CLASP2: variants seen among roughly 807,000 people sequenced by gnomAD.
CLASP2 encodes the protein CLIP-associating protein 2.
A neutral mutation model predicts 194.4 loss-of-function variants in CLASP2; 47 were observed. That is an observed-to-expected ratio of 0.24 (90% CI 0.19 to 0.31). The LOEUF (loss-of-function observed/expected upper bound fraction) is 0.31. CLASP2 is among the 10% of genes least tolerant of loss of function. The probability of loss-of-function intolerance (pLI) is 1.00; values close to 1 mark genes in which losing one functional copy is unlikely to be tolerated. For missense variants in CLASP2, 1,445 were observed against 1,823.6 expected (o/e 0.79, Z 3.78); for synonymous variants, 619 against 633.5 (o/e 0.98, Z 0.34).
At chr3:33,561,024 T>C in intron 27 of CLASP2, 53 bp from the exon 28 acceptor site, 5 of 1,483,830 alleles carry the variant, frequency 3.4e-6, no homozygotes, top group Non-Finnish European at 4.6e-6. Context: ...AATATTGACC[T>C]CTATGTTCAA....
chr3:33,516,917 G>T, intron 35 of CLASP2, 64 bp downstream of exon 35: 1 of 1,367,270 alleles, frequency 7.3e-7, no homozygotes, highest in Non-Finnish European at 1.0e-6. Flanking sequence ...TGTAGCATTA[G>T]ATTAACAGGC....
chr3:33,667,400 C>T (rs1431745470), intron 6 of CLASP2, among the ~76,000 whole-genome samples: 2 of 48,072 alleles, frequency 4.2e-5, no homozygotes, highest in East Asian at 1.3e-3. Flanking sequence ...CAGAGTGAGA[C>T]TATCTCAAAA....
At chr3:33,577,563 A>G (rs1462267176) in intron 23 of CLASP2, among the ~76,000 whole-genome samples, 1 of 152,220 alleles carries the variant, frequency 6.6e-6, no homozygotes, top group East Asian at 1.9e-4. Context: ...AGTGTAAAAA[A>G]AAAACCACTA....
intron 1 of CLASP2, 76 bp downstream of exon 1, chr3:33,717,732 G>C: frequency 1.4e-6 from 2 of 1,475,268 alleles, no homozygotes; most frequent in Non-Finnish European, 1.8e-6. Context: ...GAGCTTTCCC[G>C]GCCCGGCGCT....
At chr3:33,559,786 C>T (rs189187257) in intron 28 of CLASP2, among the ~76,000 whole-genome samples, 4 of 151,842 alleles carry the variant, frequency 2.6e-5, no homozygotes, top group African/African-American at 7.2e-5. Context: ...CTCAGCTACT[C>T]GGGAGGCTGA....
At chr3:33,516,257 G>C in intron 35 of CLASP2, 106 bp from the exon 36 acceptor site, 1 of 1,009,704 alleles carries the variant, frequency 9.9e-7, no homozygotes, top group Non-Finnish European at 1.4e-6. Context: ...AGGAGTTGTA[G>C]ATAACTGCAT....
chr3:33,617,080 A>G (rs2076320379), intron 12 of CLASP2, among the ~76,000 whole-genome samples: 1 of 150,834 alleles, frequency 6.6e-6, no homozygotes, highest in Non-Finnish European at 1.5e-5. Context: ...GTTGTCTACA[A>G]TCTTAAAAAA....
intron 33 of CLASP2, among the ~76,000 whole-genome samples, chr3:33,536,060 G>C (rs1347881943): frequency 1.3e-5 from 2 of 152,026 alleles, no homozygotes; most frequent in Non-Finnish European, 2.9e-5. Context: ...ACTACCATGG[G>C]TATCAGCATC....
At chr3:33,589,979 T>C (rs2068340027) in intron 21 of CLASP2, among the ~76,000 whole-genome samples, 1 of 152,162 alleles carries the variant, frequency 6.6e-6, no homozygotes, top group Admixed American at 6.5e-5. Context: ...ATTTCTCTGT[T>C]TACTGAAGGC....
intron 21 of CLASP2, among the ~76,000 whole-genome samples, chr3:33,588,160 T>G (rs981678562): frequency 6.6e-6 from 1 of 152,176 alleles, no homozygotes; most frequent in African/African-American, 2.4e-5. Context: ...AACCCTCTCC[T>G]CTGCAATACT....
At chr3:33,690,780 C>CA (rs1674466599) in intron 2 of CLASP2, among the ~76,000 whole-genome samples, 1 of 152,210 alleles carries the variant, frequency 6.6e-6, no homozygotes, top group African/African-American at 2.4e-5. Context: ...CTTTGTCCAA[C>CA]ATACCCGCAC....
chr3:33,693,773 G>A (rs1252984571), intron 2 of CLASP2, among the ~76,000 whole-genome samples: 1 of 152,018 alleles, frequency 6.6e-6, no homozygotes, highest in Non-Finnish European at 1.5e-5. Flanking sequence ...GGAAAATGAT[G>A]AGCACTTATG....
intron 1 of CLASP2, among the ~76,000 whole-genome samples, chr3:33,713,117 T>C (rs1428047536): frequency 2.7e-5 from 4 of 149,240 alleles, no homozygotes; most frequent in African/African-American, 9.8e-5. Context: ...CATGTAACCA[T>C]CATTATGTCT....
chr3:33,681,471 C>A (rs1178116808), intron 6 of CLASP2, among the ~76,000 whole-genome samples: 5 of 143,116 alleles, frequency 3.5e-5, no homozygotes, highest in Non-Finnish European at 7.8e-5. Context: ...CATCCCCCCA[C>A]CAAATATCTG....
intron 38 of CLASP2, among the ~76,000 whole-genome samples, chr3:33,500,997 C>T (rs181252730): frequency 7.4e-4 from 112 of 152,288 alleles, no homozygotes; most frequent in African/African-American, 2.4e-3. Context: ...CCTCCCACCT[C>T]GGCCTCCCAA....
chr3:33,611,424 A>G (rs769393674), intron 13 of CLASP2, among the ~76,000 whole-genome samples: 62 of 152,192 alleles, frequency 4.1e-4, no homozygotes, highest in Non-Finnish European at 7.6e-4. Context: ...ATTCCTGCAT[A>G]AATACTAATA....
chr3:33,544,891 A>G, intron 30 of CLASP2, 50 bp from the exon 31 acceptor site: 1 of 1,413,476 alleles, frequency 7.1e-7, no homozygotes. Context: ...TTACTCAAAC[A>G]AGACCGTTTT....
At chr3:33,521,189 T>C (rs1025284920) in intron 34 of CLASP2, among the ~76,000 whole-genome samples, 8 of 152,138 alleles carry the variant, frequency 5.3e-5, no homozygotes, top group Non-Finnish European at 1.2e-4. Context: ...CAAAAATGTA[T>C]GTCAATTTTC....
chr3:33,664,575 C>A (rs1559572066), intron 6 of CLASP2, among the ~76,000 whole-genome samples: 2 of 152,102 alleles, frequency 1.3e-5, no homozygotes, highest in African/African-American at 4.8e-5. Context: ...TAGTTGAAAT[C>A]TCCTAGGAAT....
Sources: gnomAD v4.1 joint callset for allele counts (sites outside exome capture counted in the v4.1 genomes callset) on GRCh38, gnomAD v4.1.1 for gene constraint, MANE v1.5 for transcripts, NCBI Gene and HGNC (gene_info 2026-07-23, HGNC 2026-07-21) for gene names.